The following ARHGAP32 variants were observed in gnomAD, a reference collection of about 807,000 sequenced individuals.
ARHGAP32 encodes rho GTPase-activating protein 32.
Under a neutral mutation model 186.5 loss-of-function variants are expected in ARHGAP32, and 51 were observed. The ratio of observed to expected loss-of-function variants is 0.27; its 90% CI spans 0.22 to 0.35. The LOEUF (loss-of-function observed/expected upper bound fraction) is 0.35, where lower values mean the gene tolerates loss of function less well. Ranked by LOEUF, ARHGAP32 falls within the 10% of genes least tolerant of loss-of-function variation. The pLI is 1.00. For missense variants in ARHGAP32, 2,186 were observed against 2,623.5 expected (o/e 0.83, Z 3.64); for synonymous variants, 950 against 964.3 (o/e 0.99, Z 0.27).
In ARHGAP32 at chr11:129,123,896, G is replaced by GTTGTCACAGCCCATCAGTCACTC; in HGVS notation, c.350_351insGAGTGACTGATGGGCTGTGACAA (p.Asn117LysfsTer4). On this transcript the variant is annotated stop_gained and frameshift_variant, in exon 4 of 23. Transcript: ENST00000682385. LOFTEE classifies it high-confidence loss of function. This position sits in a 1 kb window ranked among gnomAD's most constrained non-coding sequence, Gnocchi z 4.6. ...AGAAAACCAGATTTTACCTGTGAAT[G>GTTGTCACAGCCCATCAGTCACTC]TTGTCACAGCCCATCAGTCCTGGAG... The GTTGTCACAGCCCATCAGTCACTC allele has an allele frequency of 7.7e-7, 1 of 1,294,966 alleles. No individual in the cohort carries two copies. The highest frequency in any genetic ancestry group is 1.0e-6 in the Non-Finnish European group (1 of 992,588). 80.2% of individuals were successfully genotyped at this position (1,294,966 alleles called of 1,614,324 possible). A position where few individuals can be genotyped will look rare whatever the true frequency, so the allele number is the denominator to read the frequency against.
At chr11:129,065,941 T>C (rs1437349722) in intron 7 of ARHGAP32, among the ~76,000 whole-genome samples, 2 of 152,100 alleles carry the variant, frequency 1.3e-5, no homozygotes, top group Non-Finnish European at 2.9e-5. Context: ...GCTGGGTACA[T>C]TCTGTATGGA....
intron 1 of ARHGAP32, among the ~76,000 whole-genome samples, chr11:129,174,849 G>A (rs1432427641): frequency 6.7e-6 from 1 of 150,314 alleles, no homozygotes; most frequent in Non-Finnish European, 1.5e-5. Context: ...GGAAAAAACA[G>A]AACAGAAAAA....
chr11:129,176,794 G>C (rs1232344358), intron 1 of ARHGAP32, among the ~76,000 whole-genome samples: 2 of 151,590 alleles, frequency 1.3e-5, no homozygotes, highest in Non-Finnish European at 2.9e-5. Context: ...GCAGTGTGTA[G>C]AGGGAAATTT....
chr11:128,998,248 TAATTGGTTA>T (rs2134733673), intron 12 of ARHGAP32, 62 bp downstream of exon 12: 2 of 1,267,368 alleles, frequency 1.6e-6, no homozygotes, highest in African/African-American at 3.0e-5. Context: ...ATCTACTCCA[TAATTGGTTA>T]TAGCAAACCA....
chr11:129,252,622 G>A (rs981412503), intron 1 of ARHGAP32, among the ~76,000 whole-genome samples: 7 of 152,210 alleles, frequency 4.6e-5, no homozygotes, highest in Non-Finnish European at 1.0e-4. Flanking sequence ...CAAGGTTCAA[G>A]TGTATCTGGA....
intron 19 of ARHGAP32, among the ~76,000 whole-genome samples, chr11:128,977,166 T>C (rs1017867218): frequency 1.3e-5 from 2 of 152,208 alleles, no homozygotes; most frequent in East Asian, 1.9e-4. Context: ...TGCTGGTACC[T>C]TGACTTCAGA....
chr11:129,004,771 G>T (rs1937673547), intron 11 of ARHGAP32, among the ~76,000 whole-genome samples: 1 of 151,960 alleles, frequency 6.6e-6, no homozygotes, highest in Non-Finnish European at 1.5e-5. Flanking sequence ...TATAGATGAA[G>T]TGTGTTTCCT....
chr11:129,094,744 C>T (rs1941682078), intron 5 of ARHGAP32, among the ~76,000 whole-genome samples: 1 of 152,154 alleles, frequency 6.6e-6, no homozygotes, highest in Admixed American at 6.5e-5. Flanking sequence ...ACTTATGTTA[C>T]ACACCTGCCC....
intron 5 of ARHGAP32, among the ~76,000 whole-genome samples, chr11:129,094,141 A>G (rs997020406): frequency 1.1e-4 from 16 of 152,104 alleles, no homozygotes; most frequent in African/African-American, 3.9e-4. Context: ...ATAAACAGAA[A>G]GAATGAAAAA....
At chr11:129,219,499 T>G (rs1056555814) in intron 1 of ARHGAP32, among the ~76,000 whole-genome samples, 1 of 152,192 alleles carries the variant, frequency 6.6e-6, no homozygotes, top group Non-Finnish European at 1.5e-5. Context: ...TTCTGAGATC[T>G]GTCATGCAAT....
At chr11:128,995,350 G>C (rs1388421095) in intron 12 of ARHGAP32, among the ~76,000 whole-genome samples, 1 of 152,102 alleles carries the variant, frequency 6.6e-6, no homozygotes. Flanking sequence ...AGAAGTATGG[G>C]TGTGTGCCAC....
rs375335319 is a variant in ARHGAP32, at chr11:129,065,646, G to C, written c.670-713C>G. 6.6e-5 allele frequency among the ~76,000 whole-genome samples: 10 copies of C among 152,222 alleles called. No homozygotes were observed. The East Asian group carries it at 1.7e-3, about 26-fold the overall frequency. Reference sequence around the variant, plus strand: ...GATCCGTGTTTTAAGACACTCCTGAGACCCTGCTGCAGTGTCCGTTATATT... The same window carrying C: ...GATCCGTGTTTTAAGACACTCCTGACACCCTGCTGCAGTGTCCGTTATATT... On this transcript the variant is annotated intron_variant, in intron 7 of 22. Transcript: ENST00000682385.
At chr11:128,977,812 GC>G (rs1945589181) in intron 19 of ARHGAP32, among the ~76,000 whole-genome samples, 1 of 151,264 alleles carries the variant, frequency 6.6e-6, no homozygotes, top group East Asian at 1.9e-4. Flanking sequence ...GAGTAGCTAA[GC>G]CTAGAGGTAT....
At chr11:129,000,081 T>C (rs1011493180) in intron 11 of ARHGAP32, among the ~76,000 whole-genome samples, 1 of 152,178 alleles carries the variant, frequency 6.6e-6, no homozygotes, top group African/African-American at 2.4e-5. Context: ...AATCCCATAA[T>C]GACACAGAAC....
chr11:129,234,913 A>G (rs944231530), intron 1 of ARHGAP32, among the ~76,000 whole-genome samples: 1 of 152,150 alleles, frequency 6.6e-6, no homozygotes, highest in African/African-American at 2.4e-5. Flanking sequence ...TTTAAGTAGG[A>G]CTTCACTGGT....
At chr11:129,267,697 C>T (rs1036802376) in intron 1 of ARHGAP32, among the ~76,000 whole-genome samples, 1 of 152,118 alleles carries the variant, frequency 6.6e-6, no homozygotes, top group Non-Finnish European at 1.5e-5. Context: ...CGTCTTAGTC[C>T]GTTTAGTACT....
At chr11:129,278,749 A>G (rs1443038768) in intron 1 of ARHGAP32, among the ~76,000 whole-genome samples, 1 of 151,550 alleles carries the variant, frequency 6.6e-6, no homozygotes, top group Non-Finnish European at 1.5e-5. Flanking sequence ...CGGGCAGCGG[A>G]GGGAAACGCT....
intron 5 of ARHGAP32, among the ~76,000 whole-genome samples, chr11:129,105,373 C>CA (rs1335638625): frequency 6.6e-6 from 1 of 152,140 alleles, no homozygotes; most frequent in African/African-American, 2.4e-5. Context: ...ATAAGTGTAA[C>CA]ATGAAGGGAA....
intron 1 of ARHGAP32, among the ~76,000 whole-genome samples, chr11:129,229,975 T>C (rs1170491829): frequency 6.6e-6 from 1 of 151,924 alleles, no homozygotes; most frequent in Non-Finnish European, 1.5e-5. Context: ...CCACCACACC[T>C]GGCTAATTTT....
Sources: allele counts gnomAD v4.1 joint callset (sites outside exome capture counted in the v4.1 genomes callset), GRCh38; gene constraint gnomAD v4.1.1; non-coding constraint Gnocchi (gnomAD v3.1); transcripts MANE v1.5; gene names NCBI Gene and HGNC (gene_info 2026-07-23, HGNC 2026-07-21).